The following NAALADL2 variants were observed in gnomAD, a reference collection of about 807,000 sequenced individuals.
The protein encoded by NAALADL2 is N-acetylated alpha-linked acidic dipeptidase like 2.
In NAALADL2, 76 loss-of-function variants were observed where a neutral mutation model predicts 87.2. The ratio of observed to expected loss-of-function variants is 0.87; its 90% confidence interval spans 0.72 to 1.05. The LOEUF is 1.05. NAALADL2 is among the 50% of genes least tolerant of loss of function. The pLI, the probability that NAALADL2 is intolerant of heterozygous loss-of-function variation, is 0.00. For synonymous variants in NAALADL2, 354 were observed against 331.0 expected, an observed-to-expected ratio of 1.07 and a Z score of -0.75; for missense variants, 1,089 against 945.8, an observed-to-expected ratio of 1.15 and a Z score of -1.99.
At chr3:175,439,121 G>C (rs773546765) in intron 5 of NAALADL2, among the ~76,000 whole-genome samples, 3 of 152,078 alleles carry the variant, frequency 2.0e-5, no homozygotes, top group Non-Finnish European at 2.9e-5. Context: ...CCATTCCTAA[G>C]TCACTTAACT....
chr3:175,159,831 C>CTCTTCT (rs1553794877), intron 2 of NAALADL2, among the ~76,000 whole-genome samples: 1 of 150,528 alleles, frequency 6.6e-6, no homozygotes, highest in Non-Finnish European at 1.5e-5. Context: ...CTCTCTCTCT[C>CTCTTCT]TTTTCTTTTT....
In NAALADL2 at chr3:175,338,653, AC is replaced by A. The variant is rs1560388907; in HGVS notation, c.1090+14329del. Among the ~76,000 whole-genome samples the A allele has an allele frequency of 2.3e-3, 343 of 149,398 alleles. 6 individuals are homozygous for A. The highest frequency in any genetic ancestry group is 7.3e-3 in the African/African-American group (298 of 40,566). On this transcript the variant is annotated intron_variant, in intron 5 of 13. Transcript: ENST00000454872. ...CACACACACACACACACACACACAC[AC>A]ACACACACAAACAAACAAAACACCA...
intron 2 of NAALADL2, among the ~76,000 whole-genome samples, chr3:174,696,793 C>T (rs908422744): frequency 6.6e-6 from 1 of 151,724 alleles, no homozygotes; most frequent in African/African-American, 2.4e-5. Flanking sequence ...AATAAACATG[C>T]CAGTTCATTA....
intron 4 of NAALADL2, among the ~76,000 whole-genome samples, chr3:175,276,582 C>T (rs943883734): frequency 6.6e-6 from 1 of 152,086 alleles, no homozygotes; most frequent in Non-Finnish European, 1.5e-5. Flanking sequence ...GGATTACAGG[C>T]GTGAGCCACC....
chr3:175,194,272 T>C (rs1738655603), intron 2 of NAALADL2, among the ~76,000 whole-genome samples: 1 of 151,892 alleles, frequency 6.6e-6, no homozygotes, highest in African/African-American at 2.4e-5. Flanking sequence ...TGTTGCCATT[T>C]TTAGTAGGTG....
chr3:174,801,752 T>C (rs1718859673), intron 3 of NAALADL2, among the ~76,000 whole-genome samples: 1 of 150,808 alleles, frequency 6.6e-6, no homozygotes, highest in Non-Finnish European at 1.5e-5. Context: ...AATATGATTA[T>C]ATAATTTTGC....
intron 4 of NAALADL2, among the ~76,000 whole-genome samples, chr3:175,265,433 T>C (rs1751763024): frequency 1.3e-5 from 2 of 151,688 alleles, no homozygotes; most frequent in African/African-American, 4.8e-5. Context: ...AAGAATTAAC[T>C]TGAGGTCTAA....
rs10591566 is a variant in NAALADL2, at chr3:175,463,701, GGAGA to G, written c.1327+240_1327+243del. Among the ~76,000 whole-genome samples, 224 of 115,382 alleles carry G rather than the reference GGAGA, an allele frequency of 1.9e-3. 1 individual carries two copies. The highest frequency in any genetic ancestry group is 7.4e-3 in the East Asian group (31 of 4,184). The allele number at this position is 115,382 out of a possible 152,430, so 75.7% of individuals were successfully genotyped here. A position where few individuals can be genotyped will look rare whatever the true frequency, so the allele number is the denominator to read the frequency against. On this transcript the variant is annotated intron_variant, in intron 7 of 13. Coordinates refer to ENST00000454872, the MANE Select transcript of NAALADL2 (RefSeq NM_207015.3). ...TCTTCTAAAATAAATCTTAGTCGGGGGAGAGAGAGAGAGAGAGAGAGAGAGAGAG... is the reference window on the plus strand; with the variant it reads ...TCTTCTAAAATAAATCTTAGTCGGGGGAGAGAGAGAGAGAGAGAGAGAGAG...
chr3:174,746,098 A>G (rs768859804), intron 3 of NAALADL2, among the ~76,000 whole-genome samples: 38 of 152,180 alleles, frequency 2.5e-4, no homozygotes, highest in Non-Finnish European at 5.3e-4. Flanking sequence ...GGTAAGAGAA[A>G]GAAATAAAGG....
At chr3:175,161,911 C>T (rs1733279080) in intron 2 of NAALADL2, among the ~76,000 whole-genome samples, 1 of 152,138 alleles carries the variant, frequency 6.6e-6, no homozygotes, top group Admixed American at 6.6e-5. Context: ...CAACATCTTT[C>T]TCATAACCTG....
intron 1 of NAALADL2, among the ~76,000 whole-genome samples, chr3:174,521,439 G>A (rs945779417): frequency 5.3e-5 from 8 of 151,774 alleles, no homozygotes; most frequent in African/African-American, 1.7e-4. Flanking sequence ...GGTGATGCAT[G>A]CCTGTAGTAC....
At position 175,234,212 on chromosome 3, in the gene NAALADL2, G is replaced by T. The variant is rs758498922; in HGVS notation, c.819+8G>T. On this transcript the variant is annotated splice_region_variant and intron_variant, in intron 3 of 13. Transcript: ENST00000454872. ...GCCAAAGGAACTCTCAAGGTAATAT[G>T]ACCATTTGTCTCTGTCATTTACAGT... 149 of 1,611,240 alleles carry T rather than the reference G, an allele frequency of 9.2e-5. No homozygotes were observed. Among genetic ancestry groups the T allele is most frequent in the Non-Finnish European group, 1.2e-4 (143 of 1,178,446 alleles).
At chr3:175,192,210 A>AATCT (rs1451468447) in intron 2 of NAALADL2, among the ~76,000 whole-genome samples, 1 of 152,028 alleles carries the variant, frequency 6.6e-6, no homozygotes, top group African/African-American at 2.4e-5. Flanking sequence ...TTAGAGGAAA[A>AATCT]ATCTCAGAAC....
chr3:175,046,766 C>T (rs1171981054), intron 1 of NAALADL2, among the ~76,000 whole-genome samples: 1 of 152,176 alleles, frequency 6.6e-6, no homozygotes, highest in East Asian at 1.9e-4. Context: ...TTTTAATGTG[C>T]TGTTTTCATC....
intron 1 of NAALADL2, among the ~76,000 whole-genome samples, chr3:174,450,020 TACACACACAC>T (rs35861742): frequency 6.7e-4 from 100 of 148,888 alleles, no homozygotes; most frequent in African/African-American, 2.2e-3. Flanking sequence ...AACACATACA[TACACACACAC>T]ACACACACAC....
chr3:174,967,331 C>T (rs865882914), intron 1 of NAALADL2, among the ~76,000 whole-genome samples: 2 of 135,288 alleles, frequency 1.5e-5, no homozygotes, highest in African/African-American at 5.6e-5. Flanking sequence ...CATTACTATG[C>T]AAGTGTAGGG....
intron 10 of NAALADL2, among the ~76,000 whole-genome samples, chr3:175,612,709 T>C (rs1724811459): frequency 6.6e-6 from 1 of 152,168 alleles, no homozygotes; most frequent in African/African-American, 2.4e-5. Context: ...TTAAATTGAC[T>C]TGAGGCTTTA....
At chr3:175,634,431 T>C (rs1048379289) in intron 11 of NAALADL2, among the ~76,000 whole-genome samples, 14 of 151,996 alleles carry the variant, frequency 9.2e-5, no homozygotes, top group Admixed American at 8.5e-4. Flanking sequence ...TTTATAACTA[T>C]AGAATAAAGA....
At chr3:174,468,384 C>CT (rs67829845) in intron 1 of NAALADL2, among the ~76,000 whole-genome samples, 43,265 of 132,640 alleles carry the variant, frequency 0.33, 8,323 homozygotes, top group East Asian at 0.8. Flanking sequence ...CTTTCTTTTT[C>CT]TTTTTTTTTT....
Sources: gnomAD v4.1 joint callset for allele counts (sites outside exome capture counted in the v4.1 genomes callset) on GRCh38, gnomAD v4.1.1 for gene constraint, MANE v1.5 for transcripts, NCBI Gene and HGNC (gene_info 2026-07-23, HGNC 2026-07-21) for gene names.